The following TP53BP2 variants were observed in gnomAD, a reference collection of about 807,000 sequenced individuals.
TP53BP2 encodes apoptosis-stimulating of p53 protein 2.
A neutral mutation model predicts 126.2 loss-of-function variants in TP53BP2; 62 were observed. The observed-to-expected ratio is 0.49, with a 90% CI of 0.40 to 0.61. TP53BP2 has a LOEUF of 0.61. Ranked by LOEUF, TP53BP2 falls within the 20% of genes least tolerant of loss-of-function variation. The pLI is 0.00. For synonymous variants in TP53BP2, 485 were observed against 502.9 expected (o/e 0.96, Z 0.48); for missense variants, 1,215 against 1,402.8 (o/e 0.87, Z 2.14).
chr1:223,827,524 A>G (rs769948147), intron 1 of TP53BP2, among the ~76,000 whole-genome samples: 5 of 152,222 alleles, frequency 3.3e-5, no homozygotes, highest in South Asian at 2.1e-4. Flanking sequence ...CAGTACAGAC[A>G]ACTAGTTCTT....
chr1:223,841,637 G>A (rs1261972455), intron 1 of TP53BP2, among the ~76,000 whole-genome samples: 1 of 152,166 alleles, frequency 6.6e-6, no homozygotes, highest in Non-Finnish European at 1.5e-5. Flanking sequence ...CAAAAGTTAA[G>A]CTACTGGTCT....
Position 223,784,218 on chromosome 1 carries a change from C to G in TP53BP2, c.3260G>C (p.Gly1087Ala). 1 of 1,614,156 alleles carries G rather than the reference C, an allele frequency of 6.2e-7. No individual in the cohort carries two copies. Among genetic ancestry groups the G allele is most frequent in the Non-Finnish European group, 8.5e-7 (1 of 1,180,018 alleles). ...QNDDELPMKE[G>A]DCMTIIHRED... ...CCTGTGGATGATTGTCATGCAGTCT[C>G]CTTCTTTCATGGGCAGCTCATCATC... The change falls in exon 17 of 18, where the codon GGA becomes GCA. Residue 1087 changes from glycine to alanine, a missense_variant. By Grantham distance (60) the Gly-to-Ala change is moderately conservative. This residue lies in a region of TP53BP2 where 151 missense variants were observed against 231.2 expected (regional missense o/e 0.65). Coordinates refer to ENST00000343537, the MANE Select transcript of TP53BP2 (RefSeq NM_001031685.3).
chr1:223,814,530 A>G (rs1271946247), intron 2 of TP53BP2, among the ~76,000 whole-genome samples, 177 bp from the exon 3 acceptor site: 1 of 152,186 alleles, frequency 6.6e-6, no homozygotes, highest in Non-Finnish European at 1.5e-5. Flanking sequence ...GATTTTCCAC[A>G]CACACAGAGT....
At chr1:223,836,895 A>G (rs1663940215) in intron 1 of TP53BP2, among the ~76,000 whole-genome samples, 1 of 152,112 alleles carries the variant, frequency 6.6e-6, no homozygotes, top group Non-Finnish European at 1.5e-5. Flanking sequence ...TACCAGAGAA[A>G]GATCCTATCT....
chr1:223,828,522 AAT>A (rs1663580941), intron 1 of TP53BP2, among the ~76,000 whole-genome samples: 2 of 152,192 alleles, frequency 1.3e-5, no homozygotes, highest in Admixed American at 6.5e-5. Flanking sequence ...ATGGAAGACA[AAT>A]ATCTGTTGAG....
At chr1:223,790,993 A>G (rs1345920546) in intron 15 of TP53BP2, among the ~76,000 whole-genome samples, 1 of 152,200 alleles carries the variant, frequency 6.6e-6, no homozygotes, top group Non-Finnish European at 1.5e-5. Context: ...ATACAACATA[A>G]ACTCCCAACA....
At chr1:223,823,713 G>A (rs1663395972) in intron 1 of TP53BP2, among the ~76,000 whole-genome samples, 1 of 152,184 alleles carries the variant, frequency 6.6e-6, no homozygotes, top group Non-Finnish European at 1.5e-5. Context: ...ACAAAGCACA[G>A]AAGTACACTC....
intron 2 of TP53BP2, among the ~76,000 whole-genome samples, chr1:223,816,220 C>T (rs991180263): frequency 6.6e-6 from 1 of 152,202 alleles, no homozygotes; most frequent in African/African-American, 2.4e-5. Flanking sequence ...CAACTTTCAT[C>T]TCTGTATCCC....
Position 223,814,368 on chromosome 1 carries a change from T to C in TP53BP2, c.176-15A>G. ...AACTGGACGTTCTAAAGCAAATGAG[T>C]AGAAACCACATTATTTTCAGGTAAA... On this transcript the variant is annotated splice_polypyrimidine_tract_variant and intron_variant, in intron 2 of 17. Transcript: ENST00000343537. 6.5e-7 allele frequency: 1 copy of C among 1,538,650 alleles called. No homozygotes were observed. The highest frequency in any genetic ancestry group is 9.0e-7 in the Non-Finnish European group (1 of 1,113,014).
At chr1:223,834,058 A>G (rs966491592) in intron 1 of TP53BP2, among the ~76,000 whole-genome samples, 12 of 152,198 alleles carry the variant, frequency 7.9e-5, no homozygotes, top group Non-Finnish European at 1.6e-4. Context: ...AGAGGTGGTA[A>G]TGAACTTGGA....
chr1:223,826,852 G>A (rs1663513599), intron 1 of TP53BP2, among the ~76,000 whole-genome samples: 1 of 152,164 alleles, frequency 6.6e-6, no homozygotes, highest in Admixed American at 6.5e-5. Flanking sequence ...TACGATGGTA[G>A]CACAGACTGC....
chr1:223,786,585 T>TGTGC (rs1350903040), intron 16 of TP53BP2, among the ~76,000 whole-genome samples: 1 of 148,218 alleles, frequency 6.7e-6, no homozygotes, highest in Non-Finnish European at 1.5e-5. Flanking sequence ...TGTGTGCGTG[T>TGTGC]GTGTGTGTGT....
chr1:223,822,821 C>T lies in TP53BP2; in HGVS notation c.28-1454G>A, dbSNP rs1369491048. ...TTGTTAATTTCCAATGCTGAAGAAA[C>T]GAAGTGAAACAGGAAACAAGTTTTC... On this transcript the variant is annotated intron_variant, in intron 1 of 17. Transcript: ENST00000343537. Among the ~76,000 whole-genome samples, 7 of 151,514 alleles carry T rather than the reference C, an allele frequency of 4.6e-5. 1 individual carries two copies. The highest frequency in any genetic ancestry group is 4.2e-4 in the South Asian group (2 of 4,810).
At chr1:223,821,686 A>C (rs1663315900) in intron 1 of TP53BP2, among the ~76,000 whole-genome samples, 1 of 152,194 alleles carries the variant, frequency 6.6e-6, no homozygotes, top group South Asian at 2.1e-4. Context: ...CATACTACAA[A>C]TATATCTTCC....
In TP53BP2 at chr1:223,803,390, C is replaced by G. The variant is rs1030070653; in HGVS notation, c.712G>C (p.Val238Leu). The G allele has an allele frequency of 6.2e-7, 1 of 1,614,002 alleles. No individual in the cohort carries two copies. The highest frequency in any genetic ancestry group is 1.3e-5 in the African/African-American group (1 of 75,036). The change falls in exon 7 of 18, where the codon GTG becomes CTG. Residue 238 changes from valine to leucine, a missense_variant. By Grantham distance (32) the Val-to-Leu change is conservative. Around this residue, in one of 4 missense-constraint regions of TP53BP2, gnomAD observed 814 missense variants for 853.0 expected, o/e 0.95. Transcript: ENST00000343537. Reference protein sequence around the residue: ...QQKQRELVLAVSKVEELTRQL... With the variant: ...QQKQRELVLALSKVEELTRQL... ...CTGGTCAGTTCTTCTACTTTTGACA[C>G]AGCCAGGACGAGCTCCCTCTGTTTT...
At chr1:223,844,482 T>C (rs1014602480) in intron 1 of TP53BP2, among the ~76,000 whole-genome samples, 1 of 152,194 alleles carries the variant, frequency 6.6e-6, no homozygotes, top group Non-Finnish European at 1.5e-5. Flanking sequence ...ATCACCCTTA[T>C]CTATGGTCCA....
At chr1:223,803,752 C>G (rs1662615997) in intron 6 of TP53BP2, among the ~76,000 whole-genome samples, 1 of 152,110 alleles carries the variant, frequency 6.6e-6, no homozygotes, top group African/African-American at 2.4e-5. Flanking sequence ...TTAGGTGGAT[C>G]TATTAAACCA....
intron 15 of TP53BP2, 102 bp from the exon 16 acceptor site, chr1:223,789,276 G>A (rs1662073316): frequency 7.3e-7 from 1 of 1,361,936 alleles, no homozygotes; most frequent in Non-Finnish European, 1.0e-6. Context: ...CATCTACCAA[G>A]TTTTCTTCTG....
intron 1 of TP53BP2, among the ~76,000 whole-genome samples, chr1:223,824,803 T>TC (rs1558106321): frequency 6.6e-6 from 1 of 151,742 alleles, no homozygotes; most frequent in African/African-American, 2.4e-5. Context: ...TTCCTTCTAA[T>TC]CCCCCCTCAC....
Sources: allele counts gnomAD v4.1 joint callset (sites outside exome capture counted in the v4.1 genomes callset), GRCh38; gene constraint gnomAD v4.1.1; regional missense constraint gnomAD v4.1.1; transcripts MANE v1.5; gene names NCBI Gene and HGNC (gene_info 2026-07-23, HGNC 2026-07-21).